Variants in KRT7 observed in about 807,000 individuals in gnomAD.
KRT7 encodes keratin, type II cytoskeletal 7.
In KRT7, 50 loss-of-function variants were observed where a neutral mutation model predicts 42.8. The observed-to-expected ratio is 1.17, with a 90% CI of 0.93 to 1.48. The LOEUF is 1.48. Among genes scored for constraint, KRT7 ranks in the 40% most tolerant of loss-of-function variants. The probability of loss-of-function intolerance (pLI) is 0.00; values close to 1 mark genes in which losing one functional copy is unlikely to be tolerated. For synonymous variants in KRT7, 268 were observed against 266.3 expected (o/e 1.01, Z -0.06); for missense variants, 588 against 637.6 (o/e 0.92, Z 0.84).
rs186394217 is a variant in KRT7, at chr12:52,248,173, C to T, written c.1206-4C>T. The T allele has an allele frequency of 3.5e-4, 557 of 1,614,070 alleles. No individual in the cohort carries two copies. In the African/African-American group the frequency reaches 4.6e-3, roughly 13 times the overall value. On this transcript the variant is annotated splice_region_variant and splice_polypyrimidine_tract_variant and intron_variant, in intron 7 of 8. Transcript: ENST00000331817. The stretch of plus-strand genomic sequence containing the variant: ...CGTCCTCACTGTCTGTCCTCTGCCC[C>T]CAGGTTGGCTGGAGATGGAGTGGGA...
At chr12:52,240,894 G>A (rs1328656518) in intron 4 of KRT7, among the ~76,000 whole-genome samples, 1 of 151,932 alleles carries the variant, frequency 6.6e-6, no homozygotes, top group Non-Finnish European at 1.5e-5. Flanking sequence ...ATTTACATTA[G>A]GTATTTCTCC....
rs143767577 is a variant in KRT7 at position 52,245,452 on chromosome 12, G to T, written c.1025G>T (p.Arg342Leu). Residue 342 changes from arginine (R) to leucine (L), a missense_variant, in exon 7 of 9, where the codon CGT becomes CTT. Arg to Leu is a moderately radical substitution (Grantham distance 102). Transcript: ENST00000331817. Reference sequence around the variant, plus strand: ...GCCGCCATTGCCGAGGCTGAGGAGCGTGGGGAGCTGGCGCTCAAGGATGCT... The same window carrying T: ...GCCGCCATTGCCGAGGCTGAGGAGCTTGGGGAGCTGGCGCTCAAGGATGCT... ...LEAAIAEAEERGELALKDARA... is the reference protein window; with the variant it reads ...LEAAIAEAEELGELALKDARA... The T allele has an allele frequency of 6.2e-7, 1 of 1,613,920 alleles. No individual in the cohort carries two copies. Among genetic ancestry groups the T allele is most frequent in the Non-Finnish European group, 8.5e-7 (1 of 1,180,006 alleles).
chr12:52,245,239 G>C (rs1592394948), intron 6 of KRT7, 173 bp from the exon 7 acceptor site: 1 of 646,944 alleles, frequency 1.5e-6, no homozygotes. Context: ...CTGGAACATA[G>C]GCGTTGGATA....
chr12:52,237,490 A>G lies in KRT7; in HGVS notation c.537-19A>G, dbSNP rs376978189. On this transcript the variant is annotated intron_variant, in intron 2 of 8. Coordinates refer to ENST00000331817, the MANE Select transcript of KRT7 (RefSeq NM_005556.4). Reference sequence around the variant, plus strand: ...ATGGAGGCAAAGCTGCATCAACACCAGGCCCTCCTCTACTGTAGGTACGAA... The same window carrying G: ...ATGGAGGCAAAGCTGCATCAACACCGGGCCCTCCTCTACTGTAGGTACGAA... 3 of 1,592,528 alleles carry G rather than the reference A, an allele frequency of 1.9e-6. No homozygotes were observed. The highest frequency in any genetic ancestry group is 2.6e-6 in the Non-Finnish European group (3 of 1,165,126).
downstream of KRT7, among the ~76,000 whole-genome samples, chr12:52,252,940 G>A (rs1942288614): frequency 1.3e-5 from 2 of 152,214 alleles, no homozygotes; most frequent in Admixed American, 6.5e-5. Context: ...ACTAGTGGCA[G>A]AGCTTGTTTG....
chr12:52,248,004 TC>T, intron 7 of KRT7, 172 bp from the exon 8 acceptor site: 1 of 655,538 alleles, frequency 1.5e-6, no homozygotes, highest in Non-Finnish European at 2.7e-6. Context: ...AGGTGAACAC[TC>T]CCTTCCTGCA....
Position 52,240,932 on chromosome 12 carries a change from C to T in KRT7, c.694-540C>T, listed in dbSNP as rs1027407302. ...ATGCTATCACTCCCCCCTCCCCCCA[C>T]GCCCCCGACAGGCCCCGGTGTGTGA... On this transcript the variant is annotated intron_variant, in intron 4 of 8. Transcript: ENST00000331817. 3.9e-4 allele frequency among the ~76,000 whole-genome samples: 58 copies of T among 148,018 alleles called. 1 individual carries two copies. The highest frequency in any genetic ancestry group is 1.2e-3 in the African/African-American group (48 of 39,676).
downstream of KRT7, chr12:52,251,684 C>T (rs1942268437): frequency 3.3e-6 from 1 of 302,124 alleles, no homozygotes; most frequent in Non-Finnish European, 6.4e-6. Context: ...TATATTCCAT[C>T]CATCCTTGAC....
At chr12:52,233,729 C>G (rs1941959745) in intron 1 of KRT7, 109 bp downstream of exon 1, 1 of 1,080,680 alleles carries the variant, frequency 9.3e-7, no homozygotes, top group East Asian at 2.4e-5. Flanking sequence ...CACTGCCGCC[C>G]TTCTGTCTTT....
downstream of KRT7, chr12:52,253,104 G>T: frequency 1.0e-6 from 1 of 1,001,630 alleles, no homozygotes; most frequent in East Asian, 2.4e-5. Flanking sequence ...CCTCATGCTG[G>T]GTGTTTGCCC....
Position 52,237,524 on chromosome 12 carries a change from T to C in KRT7, c.552T>C (p.Ile184=), listed in dbSNP as rs886292243. The change falls in exon 3 of 9, where the codon ATT becomes ATC. Residue 184 remains isoleucine (I), a synonymous_variant. Coordinates refer to ENST00000331817, the MANE Select transcript of KRT7 (RefSeq NM_005556.4). The part of the protein sequence containing the change: ...EDFKNKYEDE[I]NHRTAAENEF... The stretch of plus-strand genomic sequence containing the variant: ...TCTACTGTAGGTACGAAGATGAAAT[T>C]AACCACCGCACAGCTGCTGAGAATG... 1 of 1,611,276 alleles carries C rather than the reference T, an allele frequency of 6.2e-7. No individual in the cohort carries two copies. Among genetic ancestry groups the C allele is most frequent in the Non-Finnish European group, 8.5e-7 (1 of 1,178,398 alleles).
Position 52,237,529 on chromosome 12 carries a change from A to G in KRT7, c.557A>G (p.His186Arg), listed in dbSNP as rs6580870. ...FKNKYEDEIN[H>R]RTAAENEFVV... ...TGTAGGTACGAAGATGAAATTAACCACCGCACAGCTGCTGAGAATGAGTTT... is the reference window on the plus strand; with the variant it reads ...TGTAGGTACGAAGATGAAATTAACCGCCGCACAGCTGCTGAGAATGAGTTT... The change falls in exon 3 of 9, where the codon CAC becomes CGC. Residue 186 changes from histidine (H) to arginine (R), a missense_variant. Physicochemically the swap from His to Arg is conservative, Grantham distance 29. Coordinates refer to ENST00000331817, the MANE Select transcript of KRT7 (RefSeq NM_005556.4). 0.82 allele frequency: 1,312,275 copies of G among 1,609,622 alleles called. 536,230 individuals are homozygous for G. Among genetic ancestry groups the G allele is most frequent in the African/African-American group, 0.91 (67,868 of 74,784 alleles).
rs1348556392 is a variant in KRT7 at position 52,233,504 on chromosome 12, C to A, written c.208C>A (p.Gln70Lys). The change falls in exon 1 of 9, where the codon CAG (glutamine) becomes AAG (lysine). Residue 70 changes from glutamine to lysine, a missense_variant. By Grantham distance (53) the Gln-to-Lys change is moderately conservative. Transcript: ENST00000331817. ...GAGIREVTIN[Q>K]SLLAPLRLDA... ...CGGCATCCGCGAGGTCACCATTAACCAGAGCCTGCTGGCCCCGCTGCGGCT... is the reference window on the plus strand; with the variant it reads ...CGGCATCCGCGAGGTCACCATTAACAAGAGCCTGCTGGCCCCGCTGCGGCT... 5.6e-6 allele frequency: 9 copies of A among 1,612,526 alleles called. No individual in the cohort carries two copies. In the Admixed American group the frequency reaches 1.5e-4, roughly 27 times the overall value.
intron 2 of KRT7, among the ~76,000 whole-genome samples, 178 bp downstream of exon 2, chr12:52,235,544 C>T (rs1942002095): frequency 6.6e-6 from 1 of 152,188 alleles, no homozygotes; most frequent in African/African-American, 2.4e-5. Context: ...TCCTCTTTGT[C>T]CCTGGGGGCT....
rs770806918 is a variant in KRT7 at position 52,243,060 on chromosome 12, A to G, written c.907A>G (p.Asn303Asp). The G allele has an allele frequency of 1.2e-6, 2 of 1,613,772 alleles. No homozygotes were observed. Among genetic ancestry groups the G allele is most frequent in the African/African-American group, 1.3e-5 (1 of 74,880 alleles). The change falls in exon 6 of 9, where the codon AAT (asparagine) becomes GAT (aspartate). Residue 303 changes from asparagine to aspartate, a missense_variant. Physicochemically the swap from Asn to Asp is conservative, Grantham distance 23. Coordinates refer to ENST00000331817, the MANE Select transcript of KRT7 (RefSeq NM_005556.4). ...QAGKHGDDLR[N>D]TRNEISEMNR... ...TGGGAAGCATGGGGACGACCTCCGG[A>G]ATACCCGGAATGAGATTTCAGAGAT...
At chr12:52,235,473 C>T (rs1016432673) in intron 2 of KRT7, 107 bp downstream of exon 2, 78 of 933,470 alleles carry the variant, frequency 8.4e-5, no homozygotes, top group Non-Finnish European at 1.2e-4. Context: ...CATGCAGCTG[C>T]TCAGTCCAAT....
At chr12:52,254,211 A>C, downstream of KRT7, 1 of 656,146 alleles carries the variant, frequency 1.5e-6, no homozygotes, top group Non-Finnish European at 2.8e-6. Context: ...GGTGACAAGT[A>C]TTTTCCAATG....
chr12:52,243,206 C>G, intron 6 of KRT7, 69 bp downstream of exon 6: 1 of 1,538,064 alleles, frequency 6.5e-7, no homozygotes, highest in South Asian at 1.3e-5. Flanking sequence ...AGGCCAAACT[C>G]AGGATGTGGA....
At chr12:52,253,633 G>A (rs769698574), downstream of KRT7, 43 of 1,551,082 alleles carry the variant, frequency 2.8e-5, no homozygotes, top group African/African-American at 5.4e-5. Context: ...GCCTCGGCCC[G>A]GCTGCGGGTG....
Sources: allele counts gnomAD v4.1 joint callset (sites outside exome capture counted in the v4.1 genomes callset), GRCh38; gene constraint gnomAD v4.1.1; transcripts MANE v1.5; gene names NCBI Gene and HGNC (gene_info 2026-07-23, HGNC 2026-07-21).